Variants in LY75 observed in about 807,000 individuals in gnomAD.
The protein encoded by LY75 is lymphocyte antigen 75.
Under a neutral mutation model 231.7 loss-of-function variants are expected in LY75, and 185 were observed. The ratio of observed to expected loss-of-function variants is 0.80; its 90% CI spans 0.71 to 0.90. LY75 has a LOEUF of 0.90. LY75 is among the 40% of genes least tolerant of loss of function. The probability of loss-of-function intolerance (pLI) is 0.00; values close to 1 mark genes in which losing one functional copy is unlikely to be tolerated. For missense variants in LY75, 1,947 were observed against 2,050.2 expected (o/e 0.95, Z 0.97); for synonymous variants, 668 against 689.0 (o/e 0.97, Z 0.48).
chr2:159,897,984 T>C (rs1685949474), intron 2 of LY75, among the ~76,000 whole-genome samples: 1 of 152,176 alleles, frequency 6.6e-6, no homozygotes, highest in Non-Finnish European at 1.5e-5. Context: ...GAATCATAAA[T>C]ATAAACATCA....
intron 13 of LY75, among the ~76,000 whole-genome samples, chr2:159,868,669 T>C (rs1422653612): frequency 6.6e-6 from 1 of 152,200 alleles, no homozygotes; most frequent in Non-Finnish European, 1.5e-5. Flanking sequence ...TTCTATCACA[T>C]ATGATATTCC....
intron 14 of LY75, among the ~76,000 whole-genome samples, chr2:159,862,439 C>T (rs1267651673): frequency 6.6e-6 from 1 of 152,010 alleles, no homozygotes; most frequent in Non-Finnish European, 1.5e-5. Context: ...CCCTGGGTGG[C>T]AGAGTAAGAC....
In LY75 at chr2:159,845,977, A is replaced by G. The variant is rs115988164; in HGVS notation, c.3151-3603T>C. Among the ~76,000 whole-genome samples the G allele has an allele frequency of 3.6e-3, 543 of 149,188 alleles. 2 individuals are homozygous for G. The highest frequency in any genetic ancestry group is 0.013 in the African/African-American group (513 of 39,390). On this transcript the variant is annotated intron_variant, in intron 23 of 34. Coordinates refer to ENST00000263636, the MANE Select transcript of LY75 (RefSeq NM_002349.4). ...ATTGTTTTCTCTCTCTTTTTTTTTT[A>G]AACATAGACAGGGTTTTGCTGTGTT... is the stretch of plus-strand genomic sequence containing the variant.
intron 28 of LY75, among the ~76,000 whole-genome samples, chr2:159,826,732 C>A (rs1449988802): frequency 6.6e-6 from 1 of 152,158 alleles, no homozygotes; most frequent in Non-Finnish European, 1.5e-5. Context: ...GTAACCAAAA[C>A]ATCATGGTAC....
intron 28 of LY75, among the ~76,000 whole-genome samples, chr2:159,828,119 A>G (rs973640887): frequency 5.9e-5 from 9 of 152,036 alleles, no homozygotes; most frequent in East Asian, 1.9e-4. Context: ...AAAAGAAGAA[A>G]AAAAAAGAAA....
intron 31 of LY75, among the ~76,000 whole-genome samples, chr2:159,815,031 T>C (rs1457208430): frequency 6.8e-6 from 1 of 147,092 alleles, no homozygotes; most frequent in Non-Finnish European, 1.5e-5. Flanking sequence ...GACGGAGTCT[T>C]GCTCTGTCTC....
At chr2:159,828,245 T>C (rs1382416956) in intron 28 of LY75, among the ~76,000 whole-genome samples, 1 of 148,634 alleles carries the variant, frequency 6.7e-6, no homozygotes, top group Non-Finnish European at 1.5e-5. Flanking sequence ...AAATTATTTA[T>C]ATATTTATAT....
At chr2:159,863,692 A>G (rs1464234579) in intron 14 of LY75, among the ~76,000 whole-genome samples, 1 of 152,096 alleles carries the variant, frequency 6.6e-6, no homozygotes, top group African/African-American at 2.4e-5. Context: ...ACAGTCATGC[A>G]TTGCATAATG....
Position 159,848,093 on chromosome 2 carries a change from T to TATATACACACACACACACAC in LY75, c.3150+1886_3150+1887insGTGTGTGTGTGTGTGTATAT. Among the ~76,000 whole-genome samples the TATATACACACACACACACAC allele has an allele frequency of 3.9e-4, 11 of 28,550 alleles. 1 individual carries two copies. The highest frequency in any genetic ancestry group is 1.4e-3 in the Admixed American group (5 of 3,678). The allele number at this position is 28,550 out of a possible 152,430, so 18.7% of individuals were successfully genotyped here. On this transcript the variant is annotated intron_variant, in intron 23 of 34. Transcript: ENST00000263636. ...GTATATATATATATATATATATATA[T>TATATACACACACACACACAC]ACACACACACATACACACACCATAT...
intron 14 of LY75, among the ~76,000 whole-genome samples, 170 bp from the exon 15 acceptor site, chr2:159,861,059 T>C (rs1684686488): frequency 6.6e-6 from 1 of 152,174 alleles, no homozygotes; most frequent in Non-Finnish European, 1.5e-5. Flanking sequence ...ACTTAGCAAA[T>C]GTCATAATGT....
intron 32 of LY75, among the ~76,000 whole-genome samples, chr2:159,809,703 A>C (rs1402665000): frequency 6.6e-6 from 1 of 151,498 alleles, no homozygotes; most frequent in African/African-American, 2.4e-5. Context: ...TTTGAGATGG[A>C]GTCTTGCTCT....
In LY75 at chr2:159,865,745, C is replaced by T. The variant is rs1684838105; in HGVS notation, c.2118-825G>A. On this transcript the variant is annotated intron_variant, in intron 13 of 34. Coordinates refer to ENST00000263636, the MANE Select transcript of LY75 (RefSeq NM_002349.4). ...AAGATATTCTTCAAGGGATGGCTAA[C>T]ATTTCTTTCTAGTCATGATCTGAAT... 2.0e-5 allele frequency among the ~76,000 whole-genome samples: 3 copies of T among 152,146 alleles called. No individual in the cohort carries two copies. The South Asian group carries it at 6.2e-4, about 31-fold the overall frequency.
chr2:159,866,741 A>G (rs1231994321), intron 13 of LY75, among the ~76,000 whole-genome samples: 1 of 152,172 alleles, frequency 6.6e-6, no homozygotes. Flanking sequence ...AAATAACTGC[A>G]TTTCTCCCAA....
Position 159,860,795 on chromosome 2 carries a change from T to C in LY75, c.2268+26A>G. ...TGATGATGGACTTATGTTTTAAATA[T>C]GCAGATTTTCCAGCATTGTACTGAC... On this transcript the variant is annotated intron_variant, in intron 15 of 34. Transcript: ENST00000263636. 6 of 1,613,332 alleles carry C rather than the reference T, an allele frequency of 3.7e-6. No individual in the cohort carries two copies. The Admixed American group carries it at 6.7e-5, about 18-fold the overall frequency.
chr2:159,809,082 G>A (rs921300288), intron 32 of LY75, among the ~76,000 whole-genome samples: 5 of 152,128 alleles, frequency 3.3e-5, no homozygotes, highest in Admixed American at 1.3e-4. Context: ...TGTGTATTCA[G>A]GTATAAAACC....
chr2:159,831,879 T>C (rs1683672873), intron 27 of LY75, 93 bp from the exon 28 acceptor site: 3 of 994,368 alleles, frequency 3.0e-6, no homozygotes, highest in South Asian at 1.7e-5. Context: ...CTCAGTTTAA[T>C]ATACTTCAAA....
chr2:159,805,238 G>T lies in LY75; in HGVS notation c.4991-16C>A, dbSNP rs764852425. The T allele has an allele frequency of 1.9e-6, 3 of 1,605,702 alleles. No individual in the cohort carries two copies. The highest frequency in any genetic ancestry group is 1.7e-5 in the Admixed American group (1 of 59,684). On this transcript the variant is annotated splice_polypyrimidine_tract_variant and intron_variant, in intron 34 of 34. Coordinates refer to ENST00000263636, the MANE Select transcript of LY75 (RefSeq NM_002349.4). ...TAATCAGGGCCTGGAACAGGAAAAG[G>T]TTTGATGTTGGAGGAGAGAATACAA... is the stretch of plus-strand genomic sequence containing the variant.
intron 4 of LY75, among the ~76,000 whole-genome samples, chr2:159,886,941 CAT>C (rs1438345007): frequency 6.6e-6 from 1 of 151,910 alleles, no homozygotes; most frequent in Admixed American, 6.6e-5. Flanking sequence ...ATTAGGCACA[CAT>C]ATTATTTGCC....
At chr2:159,883,284 AAAAAAAAAAG>A (rs1685492964) in intron 6 of LY75, among the ~76,000 whole-genome samples, 1 of 146,646 alleles carries the variant, frequency 6.8e-6, no homozygotes, top group Non-Finnish European at 1.5e-5. Flanking sequence ...AGTATAATTA[AAAAAAAAAAG>A]AAAAAAAAAT....
Sources: allele counts gnomAD v4.1 joint callset (sites outside exome capture counted in the v4.1 genomes callset), GRCh38; gene constraint gnomAD v4.1.1; transcripts MANE v1.5; gene names NCBI Gene and HGNC (gene_info 2026-07-23, HGNC 2026-07-21).